Variants in HIPK2 observed in about 807,000 individuals in gnomAD.
HIPK2 encodes homeodomain interacting protein kinase 2, also known as homeodomain-interacting protein kinase 2.
In HIPK2, 27 loss-of-function variants were observed where a neutral mutation model predicts 113.7. That is an observed-to-expected ratio of 0.24 (90% CI 0.17 to 0.33). The LOEUF (loss-of-function observed/expected upper bound fraction) is 0.33, where lower values mean the gene tolerates loss of function less well. Among genes scored for constraint, HIPK2 ranks in the 10% least tolerant of loss-of-function variants. The pLI is 1.00. For missense variants in HIPK2, 1,257 were observed against 1,588.0 expected (o/e 0.79, Z 3.54); for synonymous variants, 631 against 642.2 (o/e 0.98, Z 0.26).
At chr7:139,763,900 C>T (rs556874240) in intron 1 of HIPK2, among the ~76,000 whole-genome samples, 6 of 152,318 alleles carry the variant, frequency 3.9e-5, no homozygotes, top group African/African-American at 1.4e-4. Context: ...AAACAAGTAC[C>T]CTTTCAACTG....
intron 2 of HIPK2, among the ~76,000 whole-genome samples, chr7:139,655,819 G>C (rs1203261818): frequency 6.6e-6 from 1 of 152,212 alleles, no homozygotes; most frequent in Non-Finnish European, 1.5e-5. Context: ...TTAGGGTCAA[G>C]AAGGCTCAGG....
At chr7:139,589,699 A>G (rs1798953849) in intron 12 of HIPK2, among the ~76,000 whole-genome samples, 1 of 152,256 alleles carries the variant, frequency 6.6e-6, no homozygotes, top group South Asian at 2.1e-4. Context: ...ACTGAGGGCC[A>G]TCTCCTTGAT....
At chr7:139,677,507 C>T (rs1280221364) in intron 2 of HIPK2, among the ~76,000 whole-genome samples, 1 of 152,098 alleles carries the variant, frequency 6.6e-6, no homozygotes, top group Non-Finnish European at 1.5e-5. Context: ...TTGCTGAGCC[C>T]TCACACAGCG....
rs1800611583 is a variant in HIPK2, at chr7:139,631,405, C to G, written c.1228-121G>C. 5.0e-6 allele frequency: 7 copies of G among 1,406,894 alleles called. No individual in the cohort carries two copies. Among genetic ancestry groups the G allele is most frequent in the Non-Finnish European group, 6.6e-6 (7 of 1,068,474 alleles). The allele number at this position is 1,406,894 out of a possible 1,614,324, so 87.2% of individuals were successfully genotyped here. A position where few individuals can be genotyped will look rare whatever the true frequency, so the allele number is the denominator to read the frequency against. ...CAATTTTTGTAGGGAAAGAAGTTAA[C>G]AAAAAAGAGAAAAAAGAAAAAGGGA... On this transcript the variant is annotated intron_variant, in intron 3 of 14. Coordinates refer to ENST00000406875, the MANE Select transcript of HIPK2 (RefSeq NM_022740.5). The surrounding 1 kb of genome is among the most constrained non-coding windows in gnomAD (Gnocchi z 4.9).
chr7:139,725,766 A>G (rs1215417810), intron 1 of HIPK2, among the ~76,000 whole-genome samples: 1 of 152,220 alleles, frequency 6.6e-6, no homozygotes, highest in African/African-American at 2.4e-5. Context: ...CGATACAACA[A>G]AACTACAGTG....
intron 2 of HIPK2, among the ~76,000 whole-genome samples, chr7:139,661,089 T>C (rs528555480): frequency 1.2e-4 from 19 of 152,216 alleles, no homozygotes; most frequent in African/African-American, 3.9e-4. Flanking sequence ...TATTGCCAAT[T>C]TCCTTGGTAT....
chr7:139,644,446 C>T (rs1344109624), intron 2 of HIPK2, among the ~76,000 whole-genome samples: 2 of 152,220 alleles, frequency 1.3e-5, no homozygotes, highest in East Asian at 1.9e-4. Context: ...CCCCATGCCT[C>T]GCTGTGCTCT....
At chr7:139,586,845 AGTTT>A (rs993395850) in intron 12 of HIPK2, among the ~76,000 whole-genome samples, 16 of 152,252 alleles carry the variant, frequency 1.1e-4, no homozygotes, top group African/African-American at 3.4e-4. Context: ...AAGGACAAAT[AGTTT>A]GTTTGAGTCT....
intron 1 of HIPK2, among the ~76,000 whole-genome samples, chr7:139,742,954 C>T (rs1585447498): frequency 6.6e-6 from 1 of 152,302 alleles, no homozygotes; most frequent in East Asian, 1.9e-4. Context: ...CCCATCAAAT[C>T]CATGTCTAAG....
At chr7:139,659,311 A>G (rs1373516424) in intron 2 of HIPK2, among the ~76,000 whole-genome samples, 1 of 152,232 alleles carries the variant, frequency 6.6e-6, no homozygotes, top group East Asian at 1.9e-4. Flanking sequence ...AAGCATTCAC[A>G]GATATGCCAT....
intron 7 of HIPK2, among the ~76,000 whole-genome samples, chr7:139,614,826 T>C (rs566630192): frequency 1.9e-4 from 29 of 152,312 alleles, no homozygotes; most frequent in African/African-American, 7.0e-4. Context: ...GAAAACTGTT[T>C]AATAAAATGT....
chr7:139,748,513 C>T (rs565994446), intron 1 of HIPK2, among the ~76,000 whole-genome samples: 3 of 152,048 alleles, frequency 2.0e-5, no homozygotes, highest in Middle Eastern at 3.4e-3. Flanking sequence ...TCCTAGTTTC[C>T]GGTGGGCGCT....
intron 2 of HIPK2, among the ~76,000 whole-genome samples, chr7:139,678,715 G>T (rs1802595815): frequency 6.6e-6 from 1 of 152,186 alleles, no homozygotes. Context: ...GTGGTAGCTT[G>T]ATGGGGATAG....
At chr7:139,591,913 T>C (rs1180883391) in intron 12 of HIPK2, among the ~76,000 whole-genome samples, 3 of 152,244 alleles carry the variant, frequency 2.0e-5, no homozygotes, top group Admixed American at 2.0e-4. Context: ...GCAAGCTACA[T>C]GGTTATAGGT....
chr7:139,669,711 A>C (rs12672727), intron 2 of HIPK2, among the ~76,000 whole-genome samples: 13,667 of 151,978 alleles, frequency 0.09, 784 homozygotes, highest in East Asian at 0.27. Context: ...AGAATGTCAG[A>C]TACTTCACAC....
chr7:139,737,038 A>G (rs1208722610), intron 1 of HIPK2, among the ~76,000 whole-genome samples: 1 of 152,208 alleles, frequency 6.6e-6, no homozygotes, highest in African/African-American at 2.4e-5. Flanking sequence ...TGACCTTGCC[A>G]GCCAAGCCCT....
At chr7:139,688,785 A>G (rs1199450531) in intron 2 of HIPK2, among the ~76,000 whole-genome samples, 2 of 152,226 alleles carry the variant, frequency 1.3e-5, no homozygotes, top group African/African-American at 4.8e-5. Context: ...TCCAGACAGC[A>G]AAACTTAAAA....
In HIPK2 at chr7:139,575,300, G is replaced by C. The variant is rs1426211635; in HGVS notation, c.2966-12C>G. The C allele has an allele frequency of 4.5e-6, 7 of 1,553,780 alleles. No individual in the cohort carries two copies. Among genetic ancestry groups the C allele is most frequent in the Non-Finnish European group, 6.1e-6 (7 of 1,148,178 alleles). On this transcript the variant is annotated splice_polypyrimidine_tract_variant and intron_variant, in intron 13 of 14. Coordinates refer to ENST00000406875, the MANE Select transcript of HIPK2 (RefSeq NM_022740.5). ...GTGACTGGTGTTGACTGTGGCGGGA[G>C]GAGAAAGAGGTCAGATCAGTGGCAG...
intron 5 of HIPK2, among the ~76,000 whole-genome samples, chr7:139,627,231 G>C (rs548068345): frequency 6.6e-6 from 1 of 152,132 alleles, no homozygotes; most frequent in Non-Finnish European, 1.5e-5. Flanking sequence ...TTTATGCTAT[G>C]TGTGTGTTTG....
Sources: gnomAD v4.1 joint callset for allele counts (sites outside exome capture counted in the v4.1 genomes callset) on GRCh38, gnomAD v4.1.1 for gene constraint, Gnocchi (gnomAD v3.1) non-coding constraint, MANE v1.5 for transcripts, NCBI Gene and HGNC (gene_info 2026-07-23, HGNC 2026-07-21) for gene names.